FOLH1: variants seen among roughly 807,000 people sequenced by gnomAD.
FOLH1 encodes the protein glutamate carboxypeptidase 2.
A neutral mutation model predicts 93.9 loss-of-function variants in FOLH1; 54 were observed. That is an observed-to-expected ratio of 0.57 (90% confidence interval 0.46 to 0.72). FOLH1 has a LOEUF of 0.72. Among genes scored for constraint, FOLH1 ranks in the 30% least tolerant of loss-of-function variants. FOLH1 has a pLI of 0.00. For missense variants in FOLH1, 571 were observed against 892.5 expected (o/e 0.64, Z 4.59); for synonymous variants, 249 against 303.6 (o/e 0.82, Z 1.87).
At position 49,147,746 on chromosome 11, in the gene FOLH1, A is replaced by G. The variant is rs561362766; in HGVS notation, c.2064-801T>C. 3.9e-5 allele frequency among the ~76,000 whole-genome samples: 6 copies of G among 152,160 alleles called. No homozygotes were observed. The South Asian group carries it at 1.2e-3, about 32-fold the overall frequency. On this transcript the variant is annotated intron_variant, in intron 18 of 18. Coordinates refer to ENST00000256999, the MANE Select transcript of FOLH1 (RefSeq NM_004476.3). ...CTAGACGAGCCTGCGCAACATAGGG[A>G]CACCCTGTCGCTACAAATGAACGTA... is the stretch of plus-strand genomic sequence containing the variant.
chr11:49,160,717 C>G (rs1857603174), intron 13 of FOLH1, among the ~76,000 whole-genome samples: 1 of 152,170 alleles, frequency 6.6e-6, no homozygotes, highest in African/African-American at 2.4e-5. Flanking sequence ...GCTGGGATTA[C>G]AGGTGTGAGC....
intron 4 of FOLH1, among the ~76,000 whole-genome samples, chr11:49,189,547 C>T (rs1375560944): frequency 2.0e-5 from 3 of 152,182 alleles, no homozygotes; most frequent in African/African-American, 7.2e-5. Flanking sequence ...TCTTACTAAA[C>T]TCACCTAAGT....
intron 17 of FOLH1, among the ~76,000 whole-genome samples, chr11:49,152,751 C>T (rs61886481): frequency 0.043 from 6,486 of 152,098 alleles, 160 homozygotes; most frequent in Non-Finnish European, 0.054. Context: ...TATTAATTTT[C>T]GTATTCTGAA....
intron 12 of FOLH1, among the ~76,000 whole-genome samples, chr11:49,167,564 T>C (rs930962526): frequency 6.6e-6 from 1 of 152,188 alleles, no homozygotes; most frequent in East Asian, 1.9e-4. Context: ...CCCGTAATCC[T>C]AGCATTTTGG....
chr11:49,153,863 C>T lies in FOLH1; in HGVS notation c.1953G>A (p.Gln651=), dbSNP rs1856724141. 1.2e-6 allele frequency: 2 copies of T among 1,605,484 alleles called. No individual in the cohort carries two copies. The highest frequency in any genetic ancestry group is 1.3e-5 in the African/African-American group (1 of 74,494). The part of the protein sequence containing the change: ...EIASKFSERL[Q]DFDKSNPIVL... ...GAACATACTTGCTTTTGTCAAAGTC[C>T]TGGAGTCTCTCACTGAACTTGGAAG... is the stretch of plus-strand genomic sequence containing the variant. The change falls in exon 17 of 19, where the codon CAG becomes CAA. Residue 651 remains glutamine, a synonymous_variant. Coordinates refer to ENST00000256999, the MANE Select transcript of FOLH1 (RefSeq NM_004476.3).
chr11:49,183,622 TAAC>T (rs778158949), intron 6 of FOLH1, among the ~76,000 whole-genome samples: 11 of 152,128 alleles, frequency 7.2e-5, no homozygotes, highest in East Asian at 1.9e-4. Context: ...TCTAGGTTTC[TAAC>T]AACAGAAGAA....
intron 6 of FOLH1, among the ~76,000 whole-genome samples, chr11:49,184,615 A>G (rs1268886412): frequency 1.3e-5 from 2 of 152,208 alleles, no homozygotes; most frequent in Non-Finnish European, 2.9e-5. Flanking sequence ...ATCTCTGACA[A>G]TGTATTATGT....
chr11:49,206,298 T>C (rs1863938582), intron 1 of FOLH1, 126 bp from the exon 2 acceptor site: 1 of 1,406,916 alleles, frequency 7.1e-7, no homozygotes, highest in African/African-American at 1.4e-5. Context: ...TTAGGTGAGA[T>C]ATTTCTGAAT....
intron 2 of FOLH1, among the ~76,000 whole-genome samples, chr11:49,204,383 G>A (rs771706371): frequency 3.9e-5 from 6 of 152,216 alleles, no homozygotes; most frequent in Non-Finnish European, 8.8e-5. Context: ...GAAGAGGCAA[G>A]GACTGAAGTT....
chr11:49,173,564 C>T (rs1237404326), intron 9 of FOLH1, 88 bp from the exon 10 acceptor site: 15 of 966,146 alleles, frequency 1.6e-5, no homozygotes, highest in Non-Finnish European at 1.9e-5. Context: ...AAATACAAAG[C>T]ACTCACGCCT....
Position 49,146,803 on chromosome 11 carries a change from C to G in FOLH1, c.2206G>C (p.Ala736Pro), listed in dbSNP as rs1407171800. 1.2e-6 allele frequency: 2 copies of G among 1,613,338 alleles called. No individual in the cohort carries two copies. The highest frequency in any genetic ancestry group is 3.3e-5 in the Admixed American group (2 of 59,902). Residue 736 changes from alanine to proline, a missense_variant, in exon 19 of 19, where the codon GCC becomes CCC. Around this residue, in one of 2 missense-constraint regions of FOLH1, gnomAD observed 500 missense variants for 822.9 expected, o/e 0.61. Transcript: ENST00000256999. Reference sequence around the variant, plus strand: ...TCTGCAGCTGCCTGCACTGTGAAGGCTGCAACATAAATCTGTCTCTTCACT... The same window carrying G: ...TCTGCAGCTGCCTGCACTGTGAAGGGTGCAACATAAATCTGTCTCTTCACT... ...GEVKRQIYVA[A>P]FTVQAAAETL...
intron 17 of FOLH1, 96 bp downstream of exon 17, chr11:49,153,750 T>C (rs1435039820): frequency 7.7e-5 from 66 of 858,746 alleles, no homozygotes. Context: ...AGCAAGAAAT[T>C]CCCAAAGCTA....
chr11:49,148,550 A>C, intron 18 of FOLH1, 89 bp downstream of exon 18: 1 of 973,426 alleles, frequency 1.0e-6, no homozygotes, highest in East Asian at 2.8e-5. Context: ...CAAGAAATCA[A>C]CTACAATATT....
In FOLH1 at chr11:49,148,722, T is replaced by C; in HGVS notation, c.1980A>G (p.Val660=). ...LQDFDKSNPI[V]LRMMNDQLMF... ...TGAGTTGATCATTCATCATTCTTAATACTATTGGGCTGAGAAAGAAAATGA... is the reference window on the plus strand; with the variant it reads ...TGAGTTGATCATTCATCATTCTTAACACTATTGGGCTGAGAAAGAAAATGA... Residue 660 remains valine, a synonymous_variant, in exon 18 of 19, where the codon GTA becomes GTG. Coordinates refer to ENST00000256999, the MANE Select transcript of FOLH1 (RefSeq NM_004476.3). 1 of 1,595,564 alleles carries C rather than the reference T, an allele frequency of 6.3e-7. No homozygotes were observed. Among genetic ancestry groups the C allele is most frequent in the Non-Finnish European group, 8.5e-7 (1 of 1,172,086 alleles).
Position 49,183,160 on chromosome 11 carries a change from C to T in FOLH1, c.909G>A (p.Gln303=). The T allele has an allele frequency of 2.5e-6, 4 of 1,606,284 alleles. No homozygotes were observed. Among genetic ancestry groups the T allele is most frequent in the Non-Finnish European group, 3.4e-6 (4 of 1,177,072 alleles). The change falls in exon 7 of 19, where the codon CAG becomes CAA. Residue 303 remains glutamine (Q), a synonymous_variant. Transcript: ENST00000256999. ...PVHPIGYYDA[Q]KLLEKMGGSA... ...TCTTACAAACTTACTCTAGGAGCTTCTGTGCATCATAGTATCCAATTGGAT... is the reference window on the plus strand; with the variant it reads ...TCTTACAAACTTACTCTAGGAGCTTTTGTGCATCATAGTATCCAATTGGAT...
chr11:49,171,713 T>A (rs948523782), intron 10 of FOLH1, among the ~76,000 whole-genome samples: 29 of 152,112 alleles, frequency 1.9e-4, no homozygotes, highest in Non-Finnish European at 2.8e-4. Context: ...AGCTGGTCCG[T>A]ATGATTTCAC....
intron 10 of FOLH1, among the ~76,000 whole-genome samples, chr11:49,172,878 C>T (rs1263874665): frequency 6.6e-6 from 1 of 152,162 alleles, no homozygotes; most frequent in Non-Finnish European, 1.5e-5. Flanking sequence ...GATGTGAGAA[C>T]ACAGATTCCA....
intron 18 of FOLH1, among the ~76,000 whole-genome samples, chr11:49,147,268 G>A (rs1855873101): frequency 1.3e-5 from 2 of 152,228 alleles, no homozygotes; most frequent in Middle Eastern, 3.4e-3. Flanking sequence ...CTACACAGTT[G>A]ATATTAGTAT....
chr11:49,206,156 G>A lies in FOLH1; in HGVS notation c.135C>T (p.Ser45=), dbSNP rs146574307. The A allele has an allele frequency of 1.3e-4, 206 of 1,611,724 alleles. No homozygotes were observed. In the African/African-American group the frequency reaches 2.2e-3, roughly 17 times the overall value. Residue 45 remains serine, a synonymous_variant, in exon 2 of 19, where the codon TCC becomes TCT. Transcript: ENST00000256999. ...LGFLFGWFIK[S]SNEATNITPK... is the part of the protein sequence containing the mutation. The stretch of plus-strand genomic sequence containing the variant: ...GAGTAATGTTAGTAGCTTCATTGGA[G>A]GATTTTATAAACCACCCTGAAAAAT...
Sources: gnomAD v4.1 joint callset for allele counts (sites outside exome capture counted in the v4.1 genomes callset) on GRCh38, gnomAD v4.1.1 for gene constraint, gnomAD v4.1.1 regional missense constraint, MANE v1.5 for transcripts, NCBI Gene and HGNC (gene_info 2026-07-23, HGNC 2026-07-21) for gene names.